Variants in CACNA2D1 observed in about 807,000 individuals in gnomAD.
The protein encoded by CACNA2D1 is calcium voltage-gated channel auxiliary subunit alpha2delta 1.
A neutral mutation model predicts 171.5 loss-of-function variants in CACNA2D1; 53 were observed. That is an observed-to-expected ratio of 0.31 (90% CI 0.25 to 0.39). CACNA2D1 has a LOEUF of 0.39. Ranked by LOEUF, CACNA2D1 falls within the 10% of genes least tolerant of loss-of-function variation. CACNA2D1 has a pLI of 1.00. For missense variants in CACNA2D1, 903 were observed against 1,299.8 expected (o/e 0.69, Z 4.69); for synonymous variants, 442 against 443.1 (o/e 1.00, Z 0.03).
intron 1 of CACNA2D1, among the ~76,000 whole-genome samples, chr7:82,404,467 T>A (rs1826800153): frequency 6.6e-6 from 1 of 152,194 alleles, no homozygotes; most frequent in Non-Finnish European, 1.5e-5. Flanking sequence ...GGAAGAATCC[T>A]TAAATGAGTT....
chr7:81,955,980 A>ATATATATTTTTT (rs58075516), intron 38 of CACNA2D1, among the ~76,000 whole-genome samples: 1 of 34,546 alleles, frequency 2.9e-5, no homozygotes, highest in Non-Finnish European at 4.9e-5. Flanking sequence ...ATATATATAT[A>ATATATATTTTTT]TTTTTTTTTT....
At chr7:82,048,075 G>A (rs547045609) in intron 10 of CACNA2D1, among the ~76,000 whole-genome samples, 11 of 152,194 alleles carry the variant, frequency 7.2e-5, no homozygotes, top group Admixed American at 4.6e-4. Context: ...GGATACATCC[G>A]CCTTTTAAGA....
chr7:82,296,048 G>A lies in CACNA2D1; in HGVS notation c.294+39087C>T, dbSNP rs146671622. 1.4e-5 allele frequency among the ~76,000 whole-genome samples: 2 copies of A among 147,800 alleles called. 1 individual carries two copies. Among genetic ancestry groups the A allele is most frequent in the East Asian group, 4.3e-4 (2 of 4,644 alleles). On this transcript the variant is annotated intron_variant, in intron 3 of 38. Coordinates refer to ENST00000356860, the MANE Select transcript of CACNA2D1 (RefSeq NM_000722.4). ...ACCTCATGTTCTCACTCATAGATGG[G>A]AATTGAACAATGAGAACACATGGAC...
chr7:82,168,248 A>T (rs564706373), intron 4 of CACNA2D1, among the ~76,000 whole-genome samples: 1 of 152,092 alleles, frequency 6.6e-6, no homozygotes, highest in African/African-American at 2.4e-5. Flanking sequence ...GGTTCAAGTG[A>T]TTCTCCTGCC....
chr7:82,273,244 T>C (rs1808871171), intron 3 of CACNA2D1, among the ~76,000 whole-genome samples: 1 of 151,878 alleles, frequency 6.6e-6, no homozygotes, highest in Admixed American at 6.6e-5. Flanking sequence ...TTTTAAATAA[T>C]AATAATATAC....
chr7:82,140,193 A>G (rs1418295047), intron 4 of CACNA2D1, among the ~76,000 whole-genome samples: 3 of 152,198 alleles, frequency 2.0e-5, no homozygotes. Context: ...AGAAAACAAC[A>G]AAATGAGAAA....
intron 1 of CACNA2D1, among the ~76,000 whole-genome samples, chr7:82,437,702 G>C (rs10238124): frequency 0.66 from 99,481 of 151,788 alleles, 33,642 homozygotes; most frequent in African/African-American, 0.83. Context: ...GTACAAACAA[G>C]TGGCAAAATA....
chr7:82,170,195 T>G (rs945750319), intron 4 of CACNA2D1, among the ~76,000 whole-genome samples: 4 of 152,082 alleles, frequency 2.6e-5, no homozygotes, highest in African/African-American at 9.6e-5. Flanking sequence ...AGCAACTTTT[T>G]CCAACTTGTA....
intron 2 of CACNA2D1, among the ~76,000 whole-genome samples, chr7:82,340,347 T>G (rs77612343): frequency 0.024 from 3,697 of 151,992 alleles, 119 homozygotes; most frequent in East Asian, 0.084. Flanking sequence ...TTTTGTTTTT[T>G]TTTTTTTTTA....
chr7:82,112,002 C>G (rs1301556377), intron 6 of CACNA2D1, among the ~76,000 whole-genome samples: 1 of 151,850 alleles, frequency 6.6e-6, no homozygotes, highest in Non-Finnish European at 1.5e-5. Flanking sequence ...ATATCAACTA[C>G]TATAATCAAT....
chr7:82,440,431 T>G (rs1447759508), intron 1 of CACNA2D1, among the ~76,000 whole-genome samples: 1 of 151,910 alleles, frequency 6.6e-6, no homozygotes, highest in African/African-American at 2.4e-5. Context: ...CTACCCTTTT[T>G]GAAAGCTACA....
At chr7:82,436,342 A>C (rs1296246548) in intron 1 of CACNA2D1, among the ~76,000 whole-genome samples, 1 of 152,156 alleles carries the variant, frequency 6.6e-6, no homozygotes, top group Non-Finnish European at 1.5e-5. Context: ...TAATGAAAAA[A>C]ATTTTCTAAC....
At chr7:82,281,869 T>C (rs1005173584) in intron 3 of CACNA2D1, among the ~76,000 whole-genome samples, 12 of 152,126 alleles carry the variant, frequency 7.9e-5, no homozygotes, top group Non-Finnish European at 1.6e-4. Context: ...TGTAATGTCA[T>C]ACATCCTGCA....
chr7:82,140,966 A>AAAAC, intron 4 of CACNA2D1, among the ~76,000 whole-genome samples: 1 of 92,464 alleles, frequency 1.1e-5, no homozygotes, highest in Non-Finnish European at 2.6e-5. Flanking sequence ...AAAAAAAAAA[A>AAAAC]AAAGAAAAAA....
At chr7:82,267,951 C>T (rs956647604) in intron 3 of CACNA2D1, among the ~76,000 whole-genome samples, 32 of 152,072 alleles carry the variant, frequency 2.1e-4, no homozygotes, top group South Asian at 2.1e-4. Context: ...GAGCCAAGAT[C>T]GCACCATTGC....
At chr7:82,342,774 T>A (rs1224074706) in intron 2 of CACNA2D1, among the ~76,000 whole-genome samples, 1 of 152,010 alleles carries the variant, frequency 6.6e-6, no homozygotes, top group Admixed American at 6.6e-5. Context: ...ATGAAAGAGA[T>A]CAGAATGGGT....
intron 11 of CACNA2D1, among the ~76,000 whole-genome samples, chr7:82,034,192 T>C (rs1056680753): frequency 6.6e-6 from 1 of 152,128 alleles, no homozygotes; most frequent in African/African-American, 2.4e-5. Flanking sequence ...TTTCAAGTGC[T>C]CACTAGCCAC....
intron 4 of CACNA2D1, among the ~76,000 whole-genome samples, chr7:82,138,440 GTTTT>G (rs1423711232): frequency 3.1e-5 from 3 of 95,350 alleles, no homozygotes; most frequent in South Asian, 6.7e-4. Flanking sequence ...TGTTTTTTTT[GTTTT>G]TTTTGTTTTT....
At chr7:82,162,008 A>C (rs1794992807) in intron 4 of CACNA2D1, among the ~76,000 whole-genome samples, 1 of 152,098 alleles carries the variant, frequency 6.6e-6, no homozygotes, top group South Asian at 2.1e-4. Flanking sequence ...CTGATAACTA[A>C]AGAAGTGTTT....
Sources: allele counts gnomAD v4.1 joint callset (sites outside exome capture counted in the v4.1 genomes callset), GRCh38; gene constraint gnomAD v4.1.1; transcripts MANE v1.5; gene names NCBI Gene and HGNC (gene_info 2026-07-23, HGNC 2026-07-21).